The following ASTN1 variants were observed in gnomAD, a reference collection of about 807,000 sequenced individuals.
The protein encoded by ASTN1 is astrotactin-1.
In ASTN1, 41 loss-of-function variants were observed where a neutral mutation model predicts 140.7. The ratio of observed to expected loss-of-function variants is 0.29; its 90% CI spans 0.23 to 0.38. The LOEUF is 0.38. ASTN1 is among the 10% of genes least tolerant of loss of function. The probability of loss-of-function intolerance (pLI) is 1.00; values close to 1 mark genes in which losing one functional copy is unlikely to be tolerated. For synonymous variants in ASTN1, 640 were observed against 652.2 expected (o/e 0.98, Z 0.29); for missense variants, 1,479 against 1,678.8 (o/e 0.88, Z 2.08).
At chr1:176,993,017 C>G (rs1227350431) in intron 8 of ASTN1, among the ~76,000 whole-genome samples, 1 of 152,192 alleles carries the variant, frequency 6.6e-6, no homozygotes, top group Non-Finnish European at 1.5e-5. Flanking sequence ...CGCCAGAGCT[C>G]CCTCTCTGCC....
chr1:176,974,745 T>C (rs1412554209), intron 8 of ASTN1, among the ~76,000 whole-genome samples: 3 of 152,236 alleles, frequency 2.0e-5, no homozygotes, highest in East Asian at 3.8e-4. Context: ...GAACAAAATG[T>C]TGTACCTTTT....
intron 2 of ASTN1, among the ~76,000 whole-genome samples, chr1:177,037,619 A>C (rs774286729): frequency 2.0e-5 from 3 of 152,266 alleles, no homozygotes; most frequent in Non-Finnish European, 4.4e-5. Context: ...TCAGGCAACA[A>C]GTAACAAGTT....
chr1:177,148,234 C>T (rs527654479), intron 1 of ASTN1, among the ~76,000 whole-genome samples: 12 of 152,062 alleles, frequency 7.9e-5, no homozygotes, highest in South Asian at 2.1e-4. Context: ...CTGGCTAACA[C>T]GGTGAAACCC....
At chr1:177,159,187 A>G (rs938635590) in intron 1 of ASTN1, among the ~76,000 whole-genome samples, 9 of 152,182 alleles carry the variant, frequency 5.9e-5, no homozygotes, top group Non-Finnish European at 1.2e-4. Flanking sequence ...TTCATCATTC[A>G]TATTCATAAT....
At chr1:176,929,205 A>G (rs1671099276) in intron 16 of ASTN1, among the ~76,000 whole-genome samples, 2 of 152,206 alleles carry the variant, frequency 1.3e-5, no homozygotes, top group Admixed American at 6.5e-5. Context: ...TAATCTCTAG[A>G]ACCTGTGAAT....
At chr1:176,930,115 A>G (rs935928126) in intron 16 of ASTN1, among the ~76,000 whole-genome samples, 12 of 152,170 alleles carry the variant, frequency 7.9e-5, no homozygotes, top group Admixed American at 2.6e-4. Flanking sequence ...GTTTTTGAAA[A>G]CCTTGAAGAA....
chr1:177,055,709 C>T (rs1353118426), intron 2 of ASTN1, among the ~76,000 whole-genome samples: 1 of 152,158 alleles, frequency 6.6e-6, no homozygotes, highest in East Asian at 1.9e-4. Flanking sequence ...TGGTAACATA[C>T]AATATGCCTA....
At chr1:177,120,866 C>T (rs540443422) in intron 1 of ASTN1, among the ~76,000 whole-genome samples, 11 of 152,308 alleles carry the variant, frequency 7.2e-5, no homozygotes, top group African/African-American at 2.6e-4. Flanking sequence ...CAGCCTAACT[C>T]TCTCTTCTGA....
intron 16 of ASTN1, among the ~76,000 whole-genome samples, chr1:176,916,735 T>A (rs1387942989): frequency 1.3e-5 from 2 of 152,176 alleles, no homozygotes; most frequent in Non-Finnish European, 2.9e-5. Flanking sequence ...CCCTCTCATT[T>A]TCACATCTCC....
intron 15 of ASTN1, chr1:176,935,991 A>G (rs528949169): frequency 2.0e-6 from 1 of 495,500 alleles, no homozygotes; most frequent in African/African-American, 1.9e-5. Context: ...ATACTGGATG[A>G]GCCCAGGAAA....
intron 1 of ASTN1, among the ~76,000 whole-genome samples, chr1:177,117,181 G>T (rs1681135086): frequency 6.6e-6 from 1 of 151,946 alleles, no homozygotes; most frequent in African/African-American, 2.4e-5. Flanking sequence ...TGACAGTCTA[G>T]CCAGTTATTT....
Position 176,862,527 on chromosome 1 carries a change from C to T in ASTN1, c.*1757G>A, listed in dbSNP as rs1668003247. The T allele has an allele frequency of 1.0e-6, 1 of 985,316 alleles. No homozygotes were observed. 61.0% of individuals were successfully genotyped at this position (985,316 alleles called of 1,614,324 possible). On this transcript the variant is annotated 3_prime_UTR_variant, in exon 23 of 23. Coordinates refer to ENST00000361833, the MANE Select transcript of ASTN1 (RefSeq NM_004319.3). ...GGCAGGTTCCCTGTGGGGCTGAGAG[C>T]TTGGACAGTTGTGTGCCAGATGATA... is the stretch of plus-strand genomic sequence containing the variant.
At chr1:176,906,893 G>A (rs934587860) in intron 16 of ASTN1, among the ~76,000 whole-genome samples, 3 of 151,784 alleles carry the variant, frequency 2.0e-5, no homozygotes, top group Non-Finnish European at 4.4e-5. Flanking sequence ...GGGGGAGGTA[G>A]GCTAAAGGAA....
At chr1:176,910,356 A>G (rs944033417) in intron 16 of ASTN1, among the ~76,000 whole-genome samples, 2 of 152,130 alleles carry the variant, frequency 1.3e-5, no homozygotes, top group Non-Finnish European at 2.9e-5. Context: ...GTTTCCATCA[A>G]AAAGTTTGTT....
chr1:177,032,543 C>G lies in ASTN1; in HGVS notation c.778G>C (p.Gly260Arg). The G allele has an allele frequency of 6.2e-7, 1 of 1,614,180 alleles. No individual in the cohort carries two copies. Among genetic ancestry groups the G allele is most frequent in the Non-Finnish European group, 8.5e-7 (1 of 1,180,020 alleles). The part of the protein sequence containing the change: ...RHHLQRECMN[G>R]GEDFASQVTR... ...ACCTGGCTGGCAAAGTCCTCCCCTC[C>G]GTTCATGCACTCCCTCTGCAGATGG... The change falls in exon 3 of 23, where the codon GGA (glycine) becomes CGA (arginine). Residue 260 changes from glycine (G) to arginine (R), a missense_variant. This residue lies in a region of ASTN1 where 729 missense variants were observed against 860.4 expected (regional missense o/e 0.85). Coordinates refer to ENST00000361833, the MANE Select transcript of ASTN1 (RefSeq NM_004319.3).
chr1:176,980,716 G>A (rs12569184), intron 8 of ASTN1, among the ~76,000 whole-genome samples: 24,653 of 152,040 alleles, frequency 0.16, 2,085 homozygotes, highest in Admixed American at 0.19. Flanking sequence ...GAGAGACTAG[G>A]AAACTTCAGG....
At chr1:177,144,419 GT>G (rs1682624436) in intron 1 of ASTN1, among the ~76,000 whole-genome samples, 1 of 145,076 alleles carries the variant, frequency 6.9e-6, no homozygotes, top group Admixed American at 6.9e-5. Context: ...CGCCCGGCTA[GT>G]TTTTTGTATT....
intron 1 of ASTN1, among the ~76,000 whole-genome samples, chr1:177,084,223 T>C (rs915391559): frequency 6.6e-6 from 1 of 152,156 alleles, no homozygotes; most frequent in Non-Finnish European, 1.5e-5. Flanking sequence ...GGTACCACAG[T>C]TCGGACTTGG....
At chr1:176,926,130 T>C (rs1269467075) in intron 16 of ASTN1, among the ~76,000 whole-genome samples, 1 of 152,112 alleles carries the variant, frequency 6.6e-6, no homozygotes, top group African/African-American at 2.4e-5. Context: ...TAATCCTGAC[T>C]CTATTACTTA....
Sources: gnomAD v4.1 joint callset for allele counts (sites outside exome capture counted in the v4.1 genomes callset) on GRCh38, gnomAD v4.1.1 for gene constraint, gnomAD v4.1.1 regional missense constraint, MANE v1.5 for transcripts, NCBI Gene and HGNC (gene_info 2026-07-23, HGNC 2026-07-21) for gene names.